Variants in LRP1 observed in about 807,000 individuals in gnomAD.
LRP1 encodes the protein LDL receptor related protein 1, also known as prolow-density lipoprotein receptor-related protein 1.
A neutral mutation model predicts 541.5 loss-of-function variants in LRP1; 51 were observed. The observed-to-expected ratio is 0.09, with a 90% CI of 0.08 to 0.12. The LOEUF is 0.12. LRP1 is among the 10% of genes least tolerant of loss of function. The probability of loss-of-function intolerance (pLI) is 1.00; values close to 1 mark genes in which losing one functional copy is unlikely to be tolerated. For missense variants in LRP1, 3,878 were observed against 6,376.2 expected (o/e 0.61, Z 13.34); for synonymous variants, 2,219 against 2,470.8 (o/e 0.90, Z 3.02).
At position 57,149,004 on chromosome 12, in the gene LRP1, C is replaced by G. The variant is rs1367633837; in HGVS notation, c.841+3514C>G. On this transcript the variant is annotated intron_variant, in intron 6 of 88. Transcript: ENST00000243077. ...AGTGTGTGTGTTTTCGAAATCACAA[C>G]AGGAAATGGGGTAGTGATTTGTCTA... 9 of 672,792 alleles carry G rather than the reference C, an allele frequency of 1.3e-5. No individual in the cohort carries two copies. The South Asian group carries it at 1.5e-4, about 11-fold the overall frequency. 41.7% of individuals were successfully genotyped at this position (672,792 alleles called of 1,614,324 possible).
At position 57,183,585 on chromosome 12, in the gene LRP1, C is replaced by G; in HGVS notation, c.5794+75C>G. 1 of 1,540,824 alleles carries G rather than the reference C, an allele frequency of 6.5e-7. No homozygotes were observed. The highest frequency in any genetic ancestry group is 8.8e-7 in the Non-Finnish European group (1 of 1,138,830). ...GGGTGGTGTGGTGTGCCCTGAGGGT[C>G]CAGTGAGAGGCTGCCTGAATTGGCC... is the stretch of plus-strand genomic sequence containing the variant. On this transcript the variant is annotated intron_variant, in intron 35 of 88. Coordinates refer to ENST00000243077, the MANE Select transcript of LRP1 (RefSeq NM_002332.3). This position sits in a 1 kb window ranked among gnomAD's most constrained non-coding sequence, Gnocchi z 6.1.
At chr12:57,139,213 C>T (rs1047726036) in intron 2 of LRP1, among the ~76,000 whole-genome samples, 2 of 152,146 alleles carry the variant, frequency 1.3e-5, no homozygotes, top group Non-Finnish European at 2.9e-5. Flanking sequence ...AGCCTCTCCC[C>T]TGCTTGGTTA....
At chr12:57,209,523 C>T (rs1316917478) in intron 79 of LRP1, among the ~76,000 whole-genome samples, 169 bp from the exon 80 acceptor site, 3 of 152,176 alleles carry the variant, frequency 2.0e-5, no homozygotes, top group Admixed American at 2.0e-4. Context: ...GGTGATGGGA[C>T]CTTTTGCCAG....
chr12:57,153,966 T>C (rs34237922), intron 6 of LRP1, among the ~76,000 whole-genome samples: 2,021 of 151,176 alleles, frequency 0.013, 32 homozygotes, highest in Non-Finnish European at 0.016. Context: ...TACCTTTTGG[T>C]GCCCCAAGAA....
intron 19 of LRP1, 52 bp from the exon 20 acceptor site, chr12:57,169,088 G>T: frequency 6.5e-7 from 1 of 1,537,284 alleles, no homozygotes; most frequent in South Asian, 1.2e-5. Flanking sequence ...TCACAGAGAA[G>T]GCTGCTCCAC....
At chr12:57,157,749 G>A (rs2035649761) in intron 10 of LRP1, among the ~76,000 whole-genome samples, 1 of 152,278 alleles carries the variant, frequency 6.6e-6, no homozygotes, top group African/African-American at 2.4e-5. Flanking sequence ...TGAGGGAGGA[G>A]CATGTCCGGC....
intron 24 of LRP1, 66 bp from the exon 25 acceptor site, chr12:57,176,975 G>A (rs2036059557): frequency 7.0e-7 from 1 of 1,429,770 alleles, no homozygotes; most frequent in Non-Finnish European, 9.8e-7. Context: ...AGGGCTCCCA[G>A]GATTTCACAC....
At chr12:57,166,277 A>G in intron 17 of LRP1, 68 bp downstream of exon 17, 1 of 1,518,752 alleles carries the variant, frequency 6.6e-7, no homozygotes, top group Non-Finnish European at 8.8e-7. Context: ...CGAGGGGGCC[A>G]GGTTCAGTGG....
At chr12:57,176,870 A>C (rs2036057701) in intron 24 of LRP1, among the ~76,000 whole-genome samples, 171 bp from the exon 25 acceptor site, 1 of 152,176 alleles carries the variant, frequency 6.6e-6, no homozygotes, top group Non-Finnish European at 1.5e-5. Context: ...TCTCAAAAAA[A>C]AAAAAAAAGT....
At chr12:57,151,308 C>G (rs919556881) in intron 6 of LRP1, among the ~76,000 whole-genome samples, 49 of 152,128 alleles carry the variant, frequency 3.2e-4, no homozygotes, top group Non-Finnish European at 4.4e-5. Context: ...ACTGAAAGTC[C>G]TCTGTGCCAT....
At chr12:57,200,650 G>A (rs1188706617) in intron 63 of LRP1, 49 bp from the exon 64 acceptor site, 8 of 1,569,198 alleles carry the variant, frequency 5.1e-6, no homozygotes, top group Non-Finnish European at 7.0e-6. Context: ...AAGTGGACCT[G>A]GCCGTGTCCA....
intron 12 of LRP1, 61 bp downstream of exon 12, chr12:57,160,066 G>A (rs955971207): frequency 4.5e-6 from 7 of 1,556,852 alleles, no homozygotes; most frequent in Non-Finnish European, 6.2e-6. Flanking sequence ...CAGATAACTG[G>A]AGGATGAAAT....
intron 3 of LRP1, among the ~76,000 whole-genome samples, chr12:57,142,956 G>T (rs1592605037): frequency 2.0e-5 from 3 of 152,028 alleles, no homozygotes; most frequent in Admixed American, 2.0e-4. Flanking sequence ...GTGTGAGGCC[G>T]CTGGACAAAG....
chr12:57,198,392 C>A (rs1230246100), intron 59 of LRP1, 49 bp downstream of exon 59: 1 of 1,604,776 alleles, frequency 6.2e-7, no homozygotes, highest in Non-Finnish European at 8.5e-7. Context: ...AGCATCCAAG[C>A]CCAGCCTCCC....
chr12:57,169,214 A>C lies in LRP1; in HGVS notation c.3070A>C (p.Ser1024Arg). ...SCSSTQFKCN[S>R]GRCIPEHWTC... Reference sequence around the variant, plus strand: ...TTCTAGCACCCAGTTCAAGTGCAACAGCGGGCGTTGCATCCCCGAGCACTG... The same window carrying C: ...TTCTAGCACCCAGTTCAAGTGCAACCGCGGGCGTTGCATCCCCGAGCACTG... The change falls in exon 20 of 89, where the codon AGC (serine) becomes CGC (arginine). Residue 1024 changes from serine to arginine, a missense_variant. By Grantham distance (110) the Ser-to-Arg change is moderately radical. Transcript: ENST00000243077. 1 of 1,613,882 alleles carries C rather than the reference A, an allele frequency of 6.2e-7. No individual in the cohort carries two copies. Among genetic ancestry groups the C allele is most frequent in the Non-Finnish European group, 8.5e-7 (1 of 1,179,822 alleles).
intron 33 of LRP1, 89 bp downstream of exon 33, chr12:57,180,896 AG>A (rs1201652707): frequency 1.3e-6 from 2 of 1,551,114 alleles, no homozygotes; most frequent in Non-Finnish European, 1.8e-6. Context: ...GGGGCAAGGG[AG>A]TAAGTGGGTT....
At chr12:57,150,468 G>A (rs545179995) in intron 6 of LRP1, among the ~76,000 whole-genome samples, 95 of 152,298 alleles carry the variant, frequency 6.2e-4, no homozygotes, top group African/African-American at 2.2e-3. Context: ...TGGGATTACA[G>A]GCGTGAGCCA....
chr12:57,166,145 C>T lies in LRP1; in HGVS notation c.2733C>T (p.Arg911=). 1 of 1,614,232 alleles carries T rather than the reference C, an allele frequency of 6.2e-7. No homozygotes were observed. The highest frequency in any genetic ancestry group is 8.5e-7 in the Non-Finnish European group (1 of 1,180,044). The change falls in exon 17 of 89, where the codon CGC becomes CGT. Residue 911 remains arginine, a synonymous_variant. Coordinates refer to ENST00000243077, the MANE Select transcript of LRP1 (RefSeq NM_002332.3). ...KCENNRCIPN[R]WLCDGDNDCG... is the part of the protein sequence containing the mutation. ...AGAACAACCGGTGCATCCCCAACCG[C>T]TGGCTCTGCGACGGGGACAATGACT...
rs6581128 is a variant in LRP1, at chr12:57,189,889, C to A, written c.7032-916C>A. On this transcript the variant is annotated intron_variant, in intron 42 of 88. Transcript: ENST00000243077. The surrounding 1 kb of genome is among the most constrained non-coding windows in gnomAD (Gnocchi z 4.4). ...GTGACAAGCTCTGGGACCGAGGACC[C>A]AGGGCTCACCATCCAATGCCGGTGG... 0.38 allele frequency among the ~76,000 whole-genome samples: 57,237 copies of A among 151,824 alleles called. 11,281 individuals carry two copies. Among genetic ancestry groups the A allele is most frequent in the African/African-American group, 0.48 (19,743 of 41,370 alleles).
Sources: gnomAD v4.1 joint callset for allele counts (sites outside exome capture counted in the v4.1 genomes callset) on GRCh38, gnomAD v4.1.1 for gene constraint, Gnocchi (gnomAD v3.1) non-coding constraint, MANE v1.5 for transcripts, NCBI Gene and HGNC (gene_info 2026-07-23, HGNC 2026-07-21) for gene names.